GRIN2B: variants seen among roughly 807,000 people sequenced by gnomAD.
The protein encoded by GRIN2B is glutamate ionotropic receptor NMDA type subunit 2B, also known as glutamate receptor ionotropic, NMDA 2B.
In GRIN2B, 5 loss-of-function variants were observed where a neutral mutation model predicts 114.5. The observed-to-expected ratio is 0.04, with a 90% CI of 0.02 to 0.09. The LOEUF is 0.09. GRIN2B is among the 10% of genes least tolerant of loss of function. The pLI, the probability that GRIN2B is intolerant of heterozygous loss-of-function variation, is 1.00. For synonymous variants in GRIN2B, 787 were observed against 745.1 expected, an observed-to-expected ratio of 1.06 and a Z score of -0.92; for missense variants, 1,108 against 1,943.5, an observed-to-expected ratio of 0.57 and a Z score of 8.08.
rs1009458876 is a variant in GRIN2B at position 13,544,796 on chromosome 12, T to A, written c.*17987A>T. On this transcript the variant is annotated 3_prime_UTR_variant, in exon 14 of 14. Transcript: ENST00000609686. ...CTTATCACCTCCCCTGCTAACATCA[T>A]GGCCCAAGCAACTATGATCTCTTAC... The A allele has an allele frequency of 6.6e-6, 1 of 152,258 alleles. No homozygotes were observed. Among genetic ancestry groups the A allele is most frequent in the Non-Finnish European group, 1.5e-5 (1 of 68,054 alleles). The allele number at this position is 152,258 out of a possible 1,614,324, so 9.4% of individuals were successfully genotyped here.
chr12:13,611,732 A>T lies in GRIN2B; in HGVS notation c.1773T>A (p.Asp591Glu). The change falls in exon 9 of 14, where the codon GAT becomes GAA. Residue 591 changes from aspartate to glutamate, a missense_variant. Around this residue, in one of 19 missense-constraint regions of GRIN2B, gnomAD observed 24 missense variants for 38.1 expected, o/e 0.63. Transcript: ENST00000609686. ...GGTTCCAGCCGGCCTTACCTCTGCCATCAGCGAGGCACCTGTTATAACCCA... is the reference window on the plus strand; with the variant it reads ...GGTTCCAGCCGGCCTTACCTCTGCCTTCAGCGAGGCACCTGTTATAACCCA... ...SPVGYNRCLA[D>E]GREPGGPSFT... is the part of the protein sequence containing the mutation. The T allele has an allele frequency of 6.2e-7, 1 of 1,613,994 alleles. No individual in the cohort carries two copies. The highest frequency in any genetic ancestry group is 8.5e-7 in the Non-Finnish European group (1 of 1,179,856).
At chr12:13,713,240 T>C (rs1186721196) in intron 4 of GRIN2B, among the ~76,000 whole-genome samples, 1 of 151,898 alleles carries the variant, frequency 6.6e-6, no homozygotes, top group Admixed American at 6.6e-5. Context: ...TTGGTCCACT[T>C]GATGCTCTCC....
intron 4 of GRIN2B, among the ~76,000 whole-genome samples, chr12:13,739,154 G>T (rs1301583410): frequency 6.6e-6 from 1 of 151,986 alleles, no homozygotes; most frequent in Non-Finnish European, 1.5e-5. Context: ...GCCAAGACAG[G>T]CAGATCACCT....
At chr12:13,907,456 C>T (rs1318402250) in intron 2 of GRIN2B, among the ~76,000 whole-genome samples, 1 of 150,270 alleles carries the variant, frequency 6.7e-6, no homozygotes, top group Non-Finnish European at 1.5e-5. Context: ...CACTCCACTG[C>T]ACCTCAGCCT....
intron 2 of GRIN2B, 67 bp downstream of exon 2, chr12:13,979,861 G>A (rs1417948448): frequency 1.3e-5 from 2 of 152,036 alleles, no homozygotes; most frequent in Non-Finnish European, 2.9e-5. Context: ...TGAGGGACTC[G>A]AAGAGATAGA....
intron 5 of GRIN2B, among the ~76,000 whole-genome samples, chr12:13,663,378 G>A (rs536621458): frequency 6.6e-6 from 1 of 152,224 alleles, no homozygotes; most frequent in African/African-American, 2.4e-5. Context: ...ACAACATGGT[G>A]GTTTATTACA....
chr12:13,803,183 A>G (rs1001479324), intron 3 of GRIN2B, among the ~76,000 whole-genome samples: 2 of 152,160 alleles, frequency 1.3e-5, no homozygotes, highest in African/African-American at 2.4e-5. Flanking sequence ...TACAAAATAT[A>G]TGCTAATTGA....
At chr12:13,888,464 T>C (rs1391657249) in intron 2 of GRIN2B, among the ~76,000 whole-genome samples, 2 of 148,886 alleles carry the variant, frequency 1.3e-5, no homozygotes, top group African/African-American at 4.9e-5. Flanking sequence ...CCAGGTGTGG[T>C]GGCTCACAAC....
At chr12:13,707,648 G>A (rs994588541) in intron 4 of GRIN2B, among the ~76,000 whole-genome samples, 7 of 152,042 alleles carry the variant, frequency 4.6e-5, no homozygotes, top group Admixed American at 4.6e-4. Flanking sequence ...GTGAACAGCA[G>A]TTATAAAATC....
intron 10 of GRIN2B, among the ~76,000 whole-genome samples, chr12:13,603,877 C>A (rs2136459569): frequency 6.6e-6 from 1 of 151,306 alleles, no homozygotes; most frequent in South Asian, 2.1e-4. Flanking sequence ...TAATGTATAA[C>A]TTTGGGGAAG....
chr12:13,731,078 T>C (rs1863080410), intron 4 of GRIN2B, among the ~76,000 whole-genome samples: 1 of 152,180 alleles, frequency 6.6e-6, no homozygotes, highest in Admixed American at 6.5e-5. Flanking sequence ...TTTTTCTAGA[T>C]ACTCTTCTCC....
intron 2 of GRIN2B, among the ~76,000 whole-genome samples, chr12:13,919,648 A>G (rs977614955): frequency 3.9e-5 from 6 of 152,142 alleles, no homozygotes; most frequent in African/African-American, 1.2e-4. Context: ...TGGGTTTACT[A>G]GTGGAAAATG....
At chr12:13,970,062 A>C (rs1012996435) in intron 2 of GRIN2B, among the ~76,000 whole-genome samples, 7 of 152,202 alleles carry the variant, frequency 4.6e-5, no homozygotes, top group Admixed American at 4.6e-4. Context: ...CACTTTGGCC[A>C]GGCTGGTCTC....
chr12:13,875,948 G>A (rs1166567726), intron 2 of GRIN2B, among the ~76,000 whole-genome samples: 1 of 152,170 alleles, frequency 6.6e-6, no homozygotes, highest in African/African-American at 2.4e-5. Flanking sequence ...CATTAGACTA[G>A]TGGCCAAGAC....
At chr12:13,762,138 G>A (rs534685573) in intron 3 of GRIN2B, among the ~76,000 whole-genome samples, 2 of 152,028 alleles carry the variant, frequency 1.3e-5, no homozygotes, top group Non-Finnish European at 2.9e-5. Context: ...TGAGTAGCTG[G>A]GACTACAGGC....
chr12:13,582,872 G>A (rs963629192), intron 10 of GRIN2B, among the ~76,000 whole-genome samples: 12 of 152,056 alleles, frequency 7.9e-5, no homozygotes, highest in South Asian at 4.2e-4. Flanking sequence ...AGTTTTCCTC[G>A]CAACGATGGT....
chr12:13,677,392 TG>T (rs1950085314), intron 4 of GRIN2B, among the ~76,000 whole-genome samples: 1 of 152,208 alleles, frequency 6.6e-6, no homozygotes, highest in African/African-American at 2.4e-5. Context: ...GTGATTCTAA[TG>T]ATGCTTATGC....
intron 13 of GRIN2B, among the ~76,000 whole-genome samples, chr12:13,565,967 G>C (rs1948633964): frequency 1.3e-5 from 2 of 152,038 alleles, no homozygotes; most frequent in African/African-American, 4.8e-5. Context: ...GATTATAAAT[G>C]GGGTTTTTAT....
intron 2 of GRIN2B, among the ~76,000 whole-genome samples, chr12:13,904,544 T>C (rs11055680): frequency 0.099 from 14,996 of 152,120 alleles, 1,428 homozygotes; most frequent in East Asian, 0.43. Context: ...AATCATTTAG[T>C]TTCCCATTTT....
Sources: allele counts gnomAD v4.1 joint callset (sites outside exome capture counted in the v4.1 genomes callset), GRCh38; gene constraint gnomAD v4.1.1; regional missense constraint gnomAD v4.1.1; transcripts MANE v1.5; gene names NCBI Gene and HGNC (gene_info 2026-07-23, HGNC 2026-07-21).